Variants in PPHLN1 observed in about 807,000 individuals in gnomAD.
The protein encoded by PPHLN1 is periphilin 1, also known as periphilin-1.
Under a neutral mutation model 51.3 loss-of-function variants are expected in PPHLN1, and 29 were observed. The ratio of observed to expected loss-of-function variants is 0.57; its 90% CI spans 0.42 to 0.77. The LOEUF (loss-of-function observed/expected upper bound fraction) is 0.77, where lower values mean the gene tolerates loss of function less well. Among genes scored for constraint, PPHLN1 ranks in the 30% least tolerant of loss-of-function variants. The pLI is 0.00. For missense variants in PPHLN1, 436 were observed against 438.4 expected (o/e 0.99, Z 0.05); for synonymous variants, 147 against 147.8 (o/e 0.99, Z 0.04).
At position 42,367,266 on chromosome 12, in the gene PPHLN1, A is replaced by G. The variant is rs114025542; in HGVS notation, c.300-7597A>G. Among the ~76,000 whole-genome samples, 710 of 152,316 alleles carry G rather than the reference A, an allele frequency of 4.7e-3. 7 individuals carry two copies. The highest frequency in any genetic ancestry group is 0.016 in the African/African-American group (683 of 41,580). ...GGTACATATACAGCTACTATGAATA[A>G]TGGTGAGTACTCTGTGAATACTCTT... On this transcript the variant is annotated intron_variant, in intron 4 of 9. Transcript: ENST00000358314.
downstream of PPHLN1, chr12:42,446,735 A>T: frequency 7.5e-7 from 1 of 1,340,350 alleles, no homozygotes; most frequent in Non-Finnish European, 1.0e-6. Context: ...AGGAGAAGCT[A>T]TAAGGAAAGA....
chr12:42,431,186 A>T (rs1410483892), intron 9 of PPHLN1, among the ~76,000 whole-genome samples: 1 of 152,258 alleles, frequency 6.6e-6, no homozygotes, highest in Non-Finnish European at 1.5e-5. Flanking sequence ...AGCATTTAAA[A>T]AACATATTAA....
rs2078530830 is a variant in PPHLN1, at chr12:42,398,843, T to G, written c.769-11T>G. 3 of 1,611,500 alleles carry G rather than the reference T, an allele frequency of 1.9e-6. No homozygotes were observed. The highest frequency in any genetic ancestry group is 2.5e-6 in the Non-Finnish European group (3 of 1,178,656). ...AAGAAAATAATTAAAGATTTCTAATTCCTTTTCAAGGCGGGATCCACAGCA... is the reference window on the plus strand; with the variant it reads ...AAGAAAATAATTAAAGATTTCTAATGCCTTTTCAAGGCGGGATCCACAGCA... On this transcript the variant is annotated splice_polypyrimidine_tract_variant and intron_variant, in intron 8 of 9. Transcript: ENST00000358314.
At chr12:42,378,090 C>CTTTCTTTCTT (rs1430782714) in intron 5 of PPHLN1, among the ~76,000 whole-genome samples, 7 of 140,916 alleles carry the variant, frequency 5.0e-5, no homozygotes, top group Middle Eastern at 3.5e-3. Flanking sequence ...ATCTATCTTT[C>CTTTCTTTCTT]TCTTTCTTTC....
chr12:42,390,398 C>G (rs1592657675), intron 7 of PPHLN1, among the ~76,000 whole-genome samples: 1 of 152,246 alleles, frequency 6.6e-6, no homozygotes, highest in East Asian at 1.9e-4. Context: ...TAAATAGTAC[C>G]TGCCTATCAA....
intron 2 of PPHLN1, among the ~76,000 whole-genome samples, chr12:42,345,278 G>T (rs2072138661): frequency 6.6e-6 from 1 of 151,928 alleles, no homozygotes; most frequent in African/African-American, 2.4e-5. Context: ...TAATCTTAGG[G>T]GTGAGACCTC....
intron 9 of PPHLN1, among the ~76,000 whole-genome samples, chr12:42,428,566 G>T (rs1342728063): frequency 1.3e-5 from 2 of 152,152 alleles, no homozygotes; most frequent in Non-Finnish European, 2.9e-5. Context: ...GCTAAGCTAT[G>T]TGGGGTGCAA....
At chr12:42,432,095 A>T in intron 9 of PPHLN1, 1 of 1,534,176 alleles carries the variant, frequency 6.5e-7, no homozygotes, top group Admixed American at 1.7e-5. Context: ...CCCCTGAAAC[A>T]CTTCTGCATC....
At chr12:42,335,859 C>T in intron 1 of PPHLN1, 24 bp from the exon 2 acceptor site, 4 of 1,412,114 alleles carry the variant, frequency 2.8e-6, no homozygotes, top group Admixed American at 2.1e-5. Flanking sequence ...GTATAAAATC[C>T]ATAATTCTTT....
At chr12:42,412,532 G>A (rs1241603221) in intron 9 of PPHLN1, among the ~76,000 whole-genome samples, 1 of 151,706 alleles carries the variant, frequency 6.6e-6, no homozygotes, top group Non-Finnish European at 1.5e-5. Context: ...ATTGTGAATT[G>A]TGCTACAATA....
intron 5 of PPHLN1, among the ~76,000 whole-genome samples, chr12:42,378,450 G>A (rs1039848859): frequency 6.6e-6 from 1 of 151,740 alleles, no homozygotes; most frequent in East Asian, 1.9e-4. Flanking sequence ...TGAGACACGG[G>A]GTTCTGCACT....
At chr12:42,344,708 AT>A (rs35335129) in intron 2 of PPHLN1, among the ~76,000 whole-genome samples, 131 of 134,052 alleles carry the variant, frequency 9.8e-4, no homozygotes, top group Middle Eastern at 3.9e-3. Context: ...AACAGTGTGG[AT>A]TTTTTTTTTT....
intron 7 of PPHLN1, 65 bp from the exon 8 acceptor site, chr12:42,393,505 T>C: frequency 6.9e-7 from 1 of 1,448,496 alleles, no homozygotes; most frequent in Non-Finnish European, 9.3e-7. Flanking sequence ...TGGAGTGTAC[T>C]TCTTGGTGTA....
Position 42,423,693 on chromosome 12 carries a change from T to C in PPHLN1, c.910-17622T>C, listed in dbSNP as rs890798494. On this transcript the variant is annotated intron_variant, in intron 9 of 9. Transcript: ENST00000358314. ...TTAACATGCAAATTTTTTTTTTTTT[T>C]CTGAGACTGAGTCTCACTCTGTTGC... is the stretch of plus-strand genomic sequence containing the variant. Among the ~76,000 whole-genome samples the C allele has an allele frequency of 5.4e-5, 8 of 148,788 alleles. No homozygotes were observed. In the East Asian group the frequency reaches 1.4e-3, roughly 25 times the overall value.
At chr12:42,343,906 T>G (rs945494258) in intron 2 of PPHLN1, 8 of 446,998 alleles carry the variant, frequency 1.8e-5, no homozygotes, top group African/African-American at 1.4e-4. Flanking sequence ...CAAGAATCAG[T>G]GAGTGAAATA....
rs564036851 is a variant in PPHLN1 at position 42,342,787 on chromosome 12, G to A, written c.72+6813G>A. ...GCAGGGAGAACAATATTGACTAGTA[G>A]TGATGTCAAGAACAGCAACACGTTA... On this transcript the variant is annotated intron_variant, in intron 2 of 9. Transcript: ENST00000358314. Among the ~76,000 whole-genome samples the A allele has an allele frequency of 1.9e-4, 29 of 152,342 alleles. 1 individual carries two copies. The highest frequency in any genetic ancestry group is 5.8e-4 in the African/African-American group (24 of 41,570).
chr12:42,372,852 T>C (rs2075927807), intron 4 of PPHLN1, among the ~76,000 whole-genome samples: 1 of 152,220 alleles, frequency 6.6e-6, no homozygotes, highest in Non-Finnish European at 1.5e-5. Context: ...ATTTCTTAAA[T>C]TTATTTTTCT....
At chr12:42,392,382 A>G (rs1280657882) in intron 7 of PPHLN1, among the ~76,000 whole-genome samples, 4 of 152,224 alleles carry the variant, frequency 2.6e-5, no homozygotes, top group East Asian at 3.8e-4. Context: ...CTTTTGGTTC[A>G]TAGATAAAAG....
In PPHLN1 at chr12:42,431,568, T is replaced by C. The variant is rs187179796; in HGVS notation, c.910-9747T>C. 1.2e-3 allele frequency: 743 copies of C among 614,916 alleles called. 6 individuals are homozygous for C. In the African/African-American group the frequency reaches 0.013, roughly 11 times the overall value. The allele number at this position is 614,916 out of a possible 1,614,324, so 38.1% of individuals were successfully genotyped here. A position where few individuals can be genotyped will look rare whatever the true frequency, so the allele number is the denominator to read the frequency against. The stretch of plus-strand genomic sequence containing the variant: ...CCAAATGGTAGAACTGAAAGTGCGA[T>C]GCAAAGACTGGCGATCCATATTCTA... On this transcript the variant is annotated intron_variant, in intron 9 of 9. Coordinates refer to ENST00000358314, the MANE Select transcript of PPHLN1 (RefSeq NM_201439.2).
Sources: allele counts gnomAD v4.1 joint callset (sites outside exome capture counted in the v4.1 genomes callset), GRCh38; gene constraint gnomAD v4.1.1; transcripts MANE v1.5; gene names NCBI Gene and HGNC (gene_info 2026-07-23, HGNC 2026-07-21).